The following SMOC2 variants were observed in gnomAD, a reference collection of about 807,000 sequenced individuals.
SMOC2 encodes the protein SPARC-related modular calcium-binding protein 2.
A neutral mutation model predicts 61.4 loss-of-function variants in SMOC2; 39 were observed. The ratio of observed to expected loss-of-function variants is 0.64; its 90% CI spans 0.49 to 0.83. SMOC2 has a LOEUF of 0.83. Ranked by LOEUF, SMOC2 falls within the 40% of genes least tolerant of loss-of-function variation. SMOC2 has a pLI of 0.00. For missense variants in SMOC2, 556 were observed against 592.9 expected (o/e 0.94, Z 0.65); for synonymous variants, 247 against 239.9 (o/e 1.03, Z -0.27).
chr6:168,577,199 A>T (rs1784823292), intron 7 of SMOC2, among the ~76,000 whole-genome samples: 2 of 151,656 alleles, frequency 1.3e-5, no homozygotes, highest in Non-Finnish European at 2.9e-5. Flanking sequence ...TCTCTGTAAG[A>T]CTCTGCTGGA....
At chr6:168,518,327 G>T (rs903013945) in intron 2 of SMOC2, among the ~76,000 whole-genome samples, 1 of 152,042 alleles carries the variant, frequency 6.6e-6, no homozygotes. Flanking sequence ...TGTTGCATGT[G>T]TGTATGCCTG....
At chr6:168,513,098 A>T (rs995039613) in intron 2 of SMOC2, among the ~76,000 whole-genome samples, 8 of 152,248 alleles carry the variant, frequency 5.3e-5, no homozygotes, top group Admixed American at 5.2e-4. Flanking sequence ...ATATACTTGT[A>T]TGCACTATTT....
At chr6:168,448,805 GTGT>G (rs1583024245) in intron 1 of SMOC2, among the ~76,000 whole-genome samples, 1 of 152,190 alleles carries the variant, frequency 6.6e-6, no homozygotes, top group African/African-American at 2.4e-5. Flanking sequence ...GGATGGAAAC[GTGT>G]TGTTGGAGTG....
At chr6:168,649,468 G>A (rs1447697619) in intron 9 of SMOC2, among the ~76,000 whole-genome samples, 1 of 152,178 alleles carries the variant, frequency 6.6e-6, no homozygotes, top group Admixed American at 6.5e-5. Flanking sequence ...TGGGGACGCT[G>A]TCCCTCCAGG....
intron 7 of SMOC2, among the ~76,000 whole-genome samples, chr6:168,589,007 G>A (rs113732160): frequency 6.6e-5 from 10 of 151,488 alleles, no homozygotes; most frequent in African/African-American, 2.4e-4. Flanking sequence ...AACCGGGGAG[G>A]TGGAGGTTGC....
intron 1 of SMOC2, among the ~76,000 whole-genome samples, chr6:168,504,413 A>G (rs1378650933): frequency 2.0e-5 from 3 of 147,832 alleles, no homozygotes; most frequent in African/African-American, 7.5e-5. Flanking sequence ...GAGAAGGGAG[A>G]CAGTGAGAGA....
chr6:168,657,405 C>T (rs565278462), intron 11 of SMOC2, among the ~76,000 whole-genome samples: 29 of 152,230 alleles, frequency 1.9e-4, no homozygotes, highest in African/African-American at 3.1e-4. Flanking sequence ...AGGGCTCCTT[C>T]GCCCACACCA....
At chr6:168,476,763 T>C (rs1236735530) in intron 1 of SMOC2, among the ~76,000 whole-genome samples, 1 of 152,138 alleles carries the variant, frequency 6.6e-6, no homozygotes, top group African/African-American at 2.4e-5. Flanking sequence ...TACATAATAA[T>C]TTATGTGCAT....
intron 4 of SMOC2, among the ~76,000 whole-genome samples, chr6:168,537,896 C>T (rs1783770588): frequency 6.6e-6 from 1 of 152,232 alleles, no homozygotes. Context: ...GTTTCTCAGC[C>T]CTCCCAAGCC....
chr6:168,666,399 T>A (rs754276618), intron 12 of SMOC2, 22 bp from the exon 13 acceptor site: 8 of 1,613,620 alleles, frequency 5.0e-6, no homozygotes, highest in Non-Finnish European at 6.8e-6. Context: ...ATAATGTCTC[T>A]TTTTTGTTTT....
At chr6:168,451,628 T>TCCCTCC (rs1562536017) in intron 1 of SMOC2, among the ~76,000 whole-genome samples, 1 of 145,182 alleles carries the variant, frequency 6.9e-6, no homozygotes, top group African/African-American at 2.6e-5. Context: ...TCTCTCTCTC[T>TCCCTCC]CCCTCCCTCT....
intron 9 of SMOC2, among the ~76,000 whole-genome samples, chr6:168,624,615 G>C (rs1786338818): frequency 6.6e-6 from 1 of 150,962 alleles, no homozygotes; most frequent in South Asian, 2.1e-4. Flanking sequence ...CAGACACACA[G>C]AGACACAGAC....
intron 9 of SMOC2, among the ~76,000 whole-genome samples, chr6:168,629,789 C>T (rs901461705): frequency 1.3e-5 from 2 of 152,234 alleles, no homozygotes; most frequent in Admixed American, 6.5e-5. Flanking sequence ...GCAGAGTTCC[C>T]ATCACTGGTC....
At chr6:168,599,754 A>G (rs1562373315) in intron 8 of SMOC2, among the ~76,000 whole-genome samples, 1 of 114,226 alleles carries the variant, frequency 8.8e-6, no homozygotes, top group Non-Finnish European at 1.8e-5. Context: ...ACCCACACTC[A>G]TACAATCCCC....
chr6:168,518,577 G>T (rs542375458), intron 2 of SMOC2, among the ~76,000 whole-genome samples: 28 of 146,844 alleles, frequency 1.9e-4, no homozygotes, highest in African/African-American at 6.6e-4. Flanking sequence ...ATGTGACAAT[G>T]CATGTATGTG....
intron 7 of SMOC2, among the ~76,000 whole-genome samples, chr6:168,552,901 G>A (rs543508980): frequency 8.0e-4 from 111 of 138,418 alleles, no homozygotes; most frequent in East Asian, 4.1e-3. Flanking sequence ...ACTGTCCTCC[G>A]AGATGCTCTG....
intron 1 of SMOC2, among the ~76,000 whole-genome samples, chr6:168,441,985 G>A (rs1238465728): frequency 6.6e-6 from 1 of 152,222 alleles, no homozygotes; most frequent in Non-Finnish European, 1.5e-5. Flanking sequence ...CTTTGGGCTC[G>A]TGCGCCGCGC....
intron 9 of SMOC2, among the ~76,000 whole-genome samples, chr6:168,627,114 C>T (rs1786433370): frequency 6.6e-6 from 1 of 152,150 alleles, no homozygotes. Flanking sequence ...TAGAAAATTA[C>T]CATGAAACAC....
intron 11 of SMOC2, chr6:168,655,425 C>T (rs959488539): frequency 2.2e-6 from 1 of 456,490 alleles, no homozygotes; most frequent in South Asian, 1.5e-5. Context: ...ATGGCCAGAG[C>T]CCAGATGTTC....
Sources: allele counts gnomAD v4.1 joint callset (sites outside exome capture counted in the v4.1 genomes callset), GRCh38; gene constraint gnomAD v4.1.1; transcripts MANE v1.5; gene names NCBI Gene and HGNC (gene_info 2026-07-23, HGNC 2026-07-21).